DAPK1: variants seen among roughly 807,000 people sequenced by gnomAD.
DAPK1 encodes the protein death-associated protein kinase 1.
In DAPK1, 56 loss-of-function variants were observed where a neutral mutation model predicts 144.9. The observed-to-expected ratio is 0.39, with a 90% CI of 0.31 to 0.48. DAPK1 has a LOEUF of 0.48. DAPK1 is among the 20% of genes least tolerant of loss of function. DAPK1 has a pLI of 0.95. For missense variants in DAPK1, 1,454 were observed against 1,875.4 expected (o/e 0.78, Z 4.15); for synonymous variants, 690 against 749.0 (o/e 0.92, Z 1.29).
chr9:87,606,506 CCTCT>C (rs1214648861), intron 3 of DAPK1, among the ~76,000 whole-genome samples: 5 of 133,906 alleles, frequency 3.7e-5, no homozygotes, highest in Non-Finnish European at 8.1e-5. Flanking sequence ...TCCCTCCCTC[CCTCT>C]CTCCTTCCTT....
At chr9:87,681,649 C>T (rs765025340) in intron 20 of DAPK1, 23 bp downstream of exon 20, 34 of 1,211,210 alleles carry the variant, frequency 2.8e-5, no homozygotes, top group East Asian at 7.0e-5. Context: ...ATGCTGGCCC[C>T]GTCTCTCCAG....
chr9:87,574,802 G>T (rs1827482038), intron 2 of DAPK1, among the ~76,000 whole-genome samples: 1 of 152,120 alleles, frequency 6.6e-6, no homozygotes, highest in Non-Finnish European at 1.5e-5. Flanking sequence ...TGCACCTGTA[G>T]TCCCAGCTAC....
intron 3 of DAPK1, among the ~76,000 whole-genome samples, chr9:87,611,866 T>G (rs559887492): frequency 1.3e-5 from 2 of 152,344 alleles, no homozygotes; most frequent in Non-Finnish European, 2.9e-5. Context: ...TGAGAGGCTG[T>G]GCTCCCCAAA....
intron 18 of DAPK1, among the ~76,000 whole-genome samples, chr9:87,660,878 G>A (rs1015553768): frequency 1.1e-4 from 16 of 151,756 alleles, no homozygotes; most frequent in Admixed American, 7.2e-4. Flanking sequence ...ACAGAGTCTC[G>A]CTCTTCGCCA....
At chr9:87,518,776 G>A (rs1193891661) in intron 2 of DAPK1, among the ~76,000 whole-genome samples, 2 of 152,148 alleles carry the variant, frequency 1.3e-5, no homozygotes, top group African/African-American at 4.8e-5. Flanking sequence ...ACAGCTATGT[G>A]GGTATCCATG....
intron 2 of DAPK1, among the ~76,000 whole-genome samples, chr9:87,510,388 T>C (rs1171931175): frequency 1.3e-5 from 2 of 152,174 alleles, no homozygotes; most frequent in African/African-American, 4.8e-5. Flanking sequence ...CTTATCTGCA[T>C]TGAGAGAAGT....
At chr9:87,694,104 G>C (rs1825175252) in intron 21 of DAPK1, among the ~76,000 whole-genome samples, 1 of 152,154 alleles carries the variant, frequency 6.6e-6, no homozygotes, top group South Asian at 2.1e-4. Context: ...GGGTAGTCAG[G>C]TTCTCAGTTC....
chr9:87,540,437 C>T (rs1304801144), intron 2 of DAPK1, among the ~76,000 whole-genome samples: 2 of 152,120 alleles, frequency 1.3e-5, no homozygotes, highest in Non-Finnish European at 2.9e-5. Flanking sequence ...GTAATCCTCT[C>T]GCCTCAGCCT....
At chr9:87,648,671 C>A in intron 14 of DAPK1, 110 bp from the exon 15 acceptor site, 1 of 987,010 alleles carries the variant, frequency 1.0e-6, no homozygotes, top group South Asian at 1.4e-5. Context: ...TGGGTGGAAC[C>A]AAAGGGGACA....
At chr9:87,645,819 C>A in intron 11 of DAPK1, 76 bp from the exon 12 acceptor site, 1 of 1,564,062 alleles carries the variant, frequency 6.4e-7, no homozygotes. Context: ...CAAGTGAGCA[C>A]AGGTTTCTTT....
At position 87,701,600 on chromosome 9, in the gene DAPK1, G is replaced by A. The variant is rs1440315654; in HGVS notation, c.2871+1363G>A. Among the ~76,000 whole-genome samples the A allele has an allele frequency of 5.9e-5, 9 of 152,260 alleles. No individual in the cohort carries two copies. The South Asian group carries it at 6.2e-4, about 11-fold the overall frequency. The stretch of plus-strand genomic sequence containing the variant: ...TCTCCGGAATTGGTAAGAAAAGGGC[G>A]AGCGTCCCAGTGGAGAAGTGGTGGC... On this transcript the variant is annotated intron_variant, in intron 24 of 25. Coordinates refer to ENST00000408954, the MANE Select transcript of DAPK1 (RefSeq NM_004938.4).
At chr9:87,541,912 A>G (rs1345326838) in intron 2 of DAPK1, among the ~76,000 whole-genome samples, 1 of 152,198 alleles carries the variant, frequency 6.6e-6, no homozygotes, top group Non-Finnish European at 1.5e-5. Context: ...GTCTCAGATC[A>G]GTGAGTGCCT....
At chr9:87,572,481 C>A (rs1193920550) in intron 2 of DAPK1, among the ~76,000 whole-genome samples, 2 of 152,136 alleles carry the variant, frequency 1.3e-5, no homozygotes, top group African/African-American at 2.4e-5. Flanking sequence ...TGTTGAATTG[C>A]AATCCTCCAT....
intron 25 of DAPK1, 100 bp downstream of exon 25, chr9:87,703,317 A>G (rs913151589): frequency 1.5e-6 from 1 of 671,798 alleles, no homozygotes; most frequent in African/African-American, 1.8e-5. Context: ...CTGGGGAAGC[A>G]GTGTGGAAAT....
chr9:87,554,810 C>T (rs1257675474), intron 2 of DAPK1, among the ~76,000 whole-genome samples: 2 of 152,206 alleles, frequency 1.3e-5, no homozygotes, highest in Non-Finnish European at 2.9e-5. Context: ...GCCATTTCCC[C>T]CACCCCCACC....
chr9:87,529,374 A>G (rs918297908), intron 2 of DAPK1, among the ~76,000 whole-genome samples: 5 of 152,212 alleles, frequency 3.3e-5, no homozygotes, highest in Admixed American at 6.5e-5. Flanking sequence ...TTCCAGTAAC[A>G]CTAGTACCTA....
At chr9:87,589,247 C>A (rs1023803707) in intron 2 of DAPK1, among the ~76,000 whole-genome samples, 3 of 152,014 alleles carry the variant, frequency 2.0e-5, no homozygotes, top group African/African-American at 4.8e-5. Flanking sequence ...CTCTTAGAGA[C>A]CATAGTCCAG....
At position 87,539,971 on chromosome 9, in the gene DAPK1, C is replaced by T. The variant is rs549125141; in HGVS notation, c.62+40832C>T. On this transcript the variant is annotated intron_variant, in intron 2 of 25. Coordinates refer to ENST00000408954, the MANE Select transcript of DAPK1 (RefSeq NM_004938.4). The stretch of plus-strand genomic sequence containing the variant: ...CCCGAGAGTAGTGATGCCGGCAATT[C>T]GGATGTGCCAAAAAGAAGCCGTCAA... Among the ~76,000 whole-genome samples, 5 of 151,860 alleles carry T rather than the reference C, an allele frequency of 3.3e-5. No individual in the cohort carries two copies. In the East Asian group the frequency reaches 7.8e-4, roughly 24 times the overall value.
At chr9:87,609,123 C>T (rs576857856) in intron 3 of DAPK1, among the ~76,000 whole-genome samples, 9 of 152,204 alleles carry the variant, frequency 5.9e-5, no homozygotes, top group African/African-American at 2.2e-4. Context: ...TCCTGCCTAA[C>T]GTGGCTTTGA....
Sources: allele counts gnomAD v4.1 joint callset (sites outside exome capture counted in the v4.1 genomes callset), GRCh38; gene constraint gnomAD v4.1.1; transcripts MANE v1.5; gene names NCBI Gene and HGNC (gene_info 2026-07-23, HGNC 2026-07-21).